Variants in KCNH7 observed in about 807,000 individuals in gnomAD.
The protein encoded by KCNH7 is potassium voltage-gated channel subfamily H member 7.
Under a neutral mutation model 120.8 loss-of-function variants are expected in KCNH7, and 49 were observed. The observed-to-expected ratio is 0.41, with a 90% CI of 0.32 to 0.51. The LOEUF is 0.51. Ranked by LOEUF, KCNH7 falls within the 20% of genes least tolerant of loss-of-function variation. The pLI, the probability that KCNH7 is intolerant of heterozygous loss-of-function variation, is 0.38. For synonymous variants in KCNH7, 547 were observed against 516.1 expected (o/e 1.06, Z -0.81); for missense variants, 1,097 against 1,446.6 (o/e 0.76, Z 3.92).
At chr2:162,456,252 T>C in intron 6 of KCNH7, among the ~76,000 whole-genome samples, 1 of 152,014 alleles carries the variant, frequency 6.6e-6, no homozygotes, top group East Asian at 1.9e-4. Context: ...AGGTTTTGAG[T>C]AATTTCTTAA....
chr2:162,652,887 G>A (rs1684616134), intron 2 of KCNH7, among the ~76,000 whole-genome samples: 1 of 152,194 alleles, frequency 6.6e-6, no homozygotes, highest in African/African-American at 2.4e-5. Context: ...TTTGAATGAA[G>A]GTAGATGGAT....
chr2:162,569,581 G>A (rs1165421919), intron 2 of KCNH7, among the ~76,000 whole-genome samples: 2 of 142,532 alleles, frequency 1.4e-5, no homozygotes, highest in African/African-American at 5.3e-5. Flanking sequence ...GCTTTTGAAT[G>A]TGTTTGCTCT....
At chr2:162,834,407 ATAGG>A (rs1292744704) in intron 2 of KCNH7, among the ~76,000 whole-genome samples, 1 of 152,098 alleles carries the variant, frequency 6.6e-6, no homozygotes, top group Non-Finnish European at 1.5e-5. Context: ...TTAAAGCAAA[ATAGG>A]TAGATTTTAT....
At chr2:162,376,283 A>G (rs897611151) in intron 14 of KCNH7, among the ~76,000 whole-genome samples, 7 of 152,162 alleles carry the variant, frequency 4.6e-5, no homozygotes, top group African/African-American at 7.2e-5. Flanking sequence ...AGAGGCATGC[A>G]GATAAATTGC....
At chr2:162,597,965 G>A (rs1467743979) in intron 2 of KCNH7, among the ~76,000 whole-genome samples, 2 of 151,996 alleles carry the variant, frequency 1.3e-5, no homozygotes, top group Non-Finnish European at 2.9e-5. Flanking sequence ...AGTTCTGTTT[G>A]TACACTATTT....
chr2:162,762,197 C>T (rs574819464), intron 2 of KCNH7, among the ~76,000 whole-genome samples: 2 of 151,580 alleles, frequency 1.3e-5, no homozygotes, highest in African/African-American at 4.8e-5. Context: ...TTTTTCATGG[C>T]TTTTTTGTTT....
At chr2:162,827,542 G>C (rs148307815) in intron 2 of KCNH7, among the ~76,000 whole-genome samples, 2,373 of 151,264 alleles carry the variant, frequency 0.016, 52 homozygotes, top group African/African-American at 0.049. Context: ...TATTCATTTT[G>C]ATTGATAAAG....
chr2:162,521,336 G>T (rs1691512963), intron 3 of KCNH7, among the ~76,000 whole-genome samples: 1 of 151,736 alleles, frequency 6.6e-6, no homozygotes, highest in Non-Finnish European at 1.5e-5. Flanking sequence ...TAATTGCTTT[G>T]GCCATAATAA....
At chr2:162,661,496 G>C (rs1335010362) in intron 2 of KCNH7, among the ~76,000 whole-genome samples, 1 of 152,156 alleles carries the variant, frequency 6.6e-6, no homozygotes, top group African/African-American at 2.4e-5. Flanking sequence ...TTATGAACAT[G>C]AAAGGTCATT....
Position 162,536,965 on chromosome 2 carries a change from T to C in KCNH7, c.423A>G (p.Pro141=). The C allele has an allele frequency of 1.9e-6, 3 of 1,612,952 alleles. No individual in the cohort carries two copies. The highest frequency in any genetic ancestry group is 2.5e-6 in the Non-Finnish European group (3 of 1,179,214). Residue 141 remains proline, a synonymous_variant, in exon 3 of 16, where the codon CCA becomes CCG. Coordinates refer to ENST00000332142, the MANE Select transcript of KCNH7 (RefSeq NM_033272.4). ...YVTDNENAAT[P]ERVNPILPIK... ...TTGGTAATATTGGGTTTACCCTCTC[T>C]GGGGTGGCAGCGTTTTCATTATCCG... is the stretch of plus-strand genomic sequence containing the variant.
At chr2:162,541,102 A>G (rs1692288339) in intron 2 of KCNH7, among the ~76,000 whole-genome samples, 1 of 152,142 alleles carries the variant, frequency 6.6e-6, no homozygotes, top group Non-Finnish European at 1.5e-5. Flanking sequence ...GTGTAAATCC[A>G]CATGTTTTCA....
At chr2:162,819,791 C>G (rs1685043999) in intron 2 of KCNH7, among the ~76,000 whole-genome samples, 1 of 152,092 alleles carries the variant, frequency 6.6e-6, no homozygotes, top group Non-Finnish European at 1.5e-5. Context: ...GTATAATGTG[C>G]TATTCTTTTC....
intron 2 of KCNH7, among the ~76,000 whole-genome samples, chr2:162,706,315 A>C (rs57303821): frequency 0.014 from 2,203 of 152,274 alleles, 40 homozygotes; most frequent in East Asian, 0.079. Flanking sequence ...TAGTAAGTCA[A>C]TGATCATGCT....
At chr2:162,651,908 A>T (rs949983769) in intron 2 of KCNH7, among the ~76,000 whole-genome samples, 1 of 152,144 alleles carries the variant, frequency 6.6e-6, no homozygotes, top group Non-Finnish European at 1.5e-5. Flanking sequence ...GACTGGTGTG[A>T]GATGGTATCT....
chr2:162,458,178 C>G (rs1225093447), intron 6 of KCNH7, among the ~76,000 whole-genome samples: 1 of 151,092 alleles, frequency 6.6e-6, no homozygotes, highest in African/African-American at 2.4e-5. Context: ...CATTTAGATT[C>G]AGGTTCAGCT....
chr2:162,456,388 C>G (rs1396365632), intron 6 of KCNH7, among the ~76,000 whole-genome samples: 1 of 151,520 alleles, frequency 6.6e-6, no homozygotes, highest in Non-Finnish European at 1.5e-5. Context: ...ATATAATTTC[C>G]ATTCTTTTGC....
chr2:162,758,147 G>A (rs1171330703), intron 2 of KCNH7, among the ~76,000 whole-genome samples: 1 of 152,152 alleles, frequency 6.6e-6, no homozygotes, highest in East Asian at 1.9e-4. Context: ...ATATGTTGAA[G>A]AAAAAGTGGA....
chr2:162,408,121 GA>G (rs747334598), intron 9 of KCNH7, among the ~76,000 whole-genome samples: 29 of 151,956 alleles, frequency 1.9e-4, no homozygotes, highest in Non-Finnish European at 3.8e-4. Context: ...CAACCATTTT[GA>G]CTCGCCATTG....
intron 6 of KCNH7, among the ~76,000 whole-genome samples, chr2:162,478,474 T>A (rs1225395925): frequency 1.3e-5 from 2 of 152,176 alleles, no homozygotes; most frequent in Non-Finnish European, 2.9e-5. Context: ...ACAATTTTAA[T>A]TACAATATTT....
Sources: allele counts gnomAD v4.1 joint callset (sites outside exome capture counted in the v4.1 genomes callset), GRCh38; gene constraint gnomAD v4.1.1; transcripts MANE v1.5; gene names NCBI Gene and HGNC (gene_info 2026-07-23, HGNC 2026-07-21).